The following PCDH15 variants were observed in gnomAD, a reference collection of about 807,000 sequenced individuals.
The protein encoded by PCDH15 is protocadherin related 15, also known as protocadherin-15.
PCDH15 carries 129 observed loss-of-function variants against 178.5 expected under a neutral mutation model. That is an observed-to-expected ratio of 0.72 (90% CI 0.63 to 0.84). The LOEUF is 0.84. Ranked by LOEUF, PCDH15 falls within the 40% of genes least tolerant of loss-of-function variation. The pLI is 0.00. For missense variants in PCDH15, 2,230 were observed against 2,099.9 expected (o/e 1.06, Z -1.21); for synonymous variants, 800 against 732.0 (o/e 1.09, Z -1.50).
intron 21 of PCDH15, among the ~76,000 whole-genome samples, chr10:53,983,068 A>C (rs1351881456): frequency 6.6e-6 from 1 of 151,996 alleles, no homozygotes; most frequent in East Asian, 1.9e-4. Context: ...GAACACAAAT[A>C]TTTTACCCCG....
At chr10:54,595,785 G>A (rs2092202466) in intron 2 of PCDH15, among the ~76,000 whole-genome samples, 1 of 151,996 alleles carries the variant, frequency 6.6e-6, no homozygotes, top group Middle Eastern at 3.2e-3. Flanking sequence ...ATAAATGACA[G>A]GATAGAGCTG....
intron 2 of PCDH15, among the ~76,000 whole-genome samples, chr10:54,950,660 G>C (rs1191625510): frequency 6.6e-6 from 1 of 151,862 alleles, no homozygotes; most frequent in Non-Finnish European, 1.5e-5. Context: ...GAACACAGGA[G>C]GAACTACCCT....
intron 1 of PCDH15, among the ~76,000 whole-genome samples, chr10:54,754,117 C>T (rs7923085): frequency 0.048 from 7,341 of 151,962 alleles, 601 homozygotes; most frequent in African/African-American, 0.17. Flanking sequence ...CGTGAGCCAC[C>T]GCGCCCGGCT....
At chr10:55,122,072 G>A (rs1314127428) in intron 2 of PCDH15, among the ~76,000 whole-genome samples, 1 of 152,150 alleles carries the variant, frequency 6.6e-6, no homozygotes, top group Non-Finnish European at 1.5e-5. Flanking sequence ...AAAATTAAGG[G>A]AAAGGATAAT....
chr10:55,454,008 CAGAGA>C (rs1839492820), intron 2 of PCDH15, among the ~76,000 whole-genome samples: 1 of 151,574 alleles, frequency 6.6e-6, no homozygotes, highest in Non-Finnish European at 1.5e-5. Flanking sequence ...TATAAAACAC[CAGAGA>C]AGAGAAATTT....
At chr10:54,974,040 TTCTCTC>T (rs72538027) in intron 2 of PCDH15, among the ~76,000 whole-genome samples, 9 of 144,268 alleles carry the variant, frequency 6.2e-5, no homozygotes, top group Non-Finnish European at 1.4e-4. Context: ...CTCTCCTTCC[TTCTCTC>T]TCTCTCTCTC....
chr10:54,988,487 A>G (rs1356437903), intron 2 of PCDH15, among the ~76,000 whole-genome samples: 1 of 152,354 alleles, frequency 6.6e-6, no homozygotes, highest in East Asian at 1.9e-4. Context: ...TGATAGTGAT[A>G]TGGACAATAA....
rs114379801 is a variant in PCDH15 at position 55,452,729 on chromosome 10, G to C, written c.-156+174896C>G. Among the ~76,000 whole-genome samples, 572 of 151,962 alleles carry C rather than the reference G, an allele frequency of 3.8e-3. 8 individuals are homozygous for C. Among genetic ancestry groups the C allele is most frequent in the African/African-American group, 0.013 (545 of 41,440 alleles). Reference sequence around the variant, plus strand: ...ACCCCCCAGAAACAAATTTCCACTGGCAACATTTCAACAGTATTAATCATA... The same window carrying C: ...ACCCCCCAGAAACAAATTTCCACTGCCAACATTTCAACAGTATTAATCATA... On this transcript the variant is annotated intron_variant, in intron 2 of 5. Transcript: ENST00000613346.
chr10:55,279,788 T>C (rs1388928120), intron 1 of PCDH15, among the ~76,000 whole-genome samples: 1 of 152,182 alleles, frequency 6.6e-6, no homozygotes, highest in African/African-American at 2.4e-5. Context: ...ACTGAGCCCA[T>C]GAGTGATCAT....
chr10:55,272,423 G>A (rs570379244), intron 1 of PCDH15, among the ~76,000 whole-genome samples: 1 of 146,220 alleles, frequency 6.8e-6, no homozygotes, highest in South Asian at 2.2e-4. Flanking sequence ...ATTTTATTTT[G>A]AGATGGTGTC....
At chr10:53,962,654 G>T (rs1390967976) in intron 21 of PCDH15, among the ~76,000 whole-genome samples, 1 of 152,150 alleles carries the variant, frequency 6.6e-6, no homozygotes, top group South Asian at 2.1e-4. Context: ...GGAACTTGTG[G>T]CTTACAATAA....
At chr10:54,238,319 A>T (rs910316283) in intron 8 of PCDH15, among the ~76,000 whole-genome samples, 1 of 152,148 alleles carries the variant, frequency 6.6e-6, no homozygotes, top group African/African-American at 2.4e-5. Context: ...GCATGCTAAA[A>T]AAAGAGCAAT....
At chr10:54,264,547 T>C (rs1564819872) in intron 8 of PCDH15, among the ~76,000 whole-genome samples, 1 of 152,090 alleles carries the variant, frequency 6.6e-6, no homozygotes, top group South Asian at 2.1e-4. Flanking sequence ...AAAGACAACA[T>C]AGCTATATTA....
intron 3 of PCDH15, among the ~76,000 whole-genome samples, chr10:54,508,467 G>A (rs1183070547): frequency 6.6e-6 from 1 of 151,948 alleles, no homozygotes; most frequent in Non-Finnish European, 1.5e-5. Flanking sequence ...AGCCTAAGAT[G>A]GATTTCATCT....
At chr10:54,920,468 C>CAA (rs71014429) in intron 2 of PCDH15, among the ~76,000 whole-genome samples, 905 of 57,722 alleles carry the variant, frequency 0.016, 140 homozygotes, top group East Asian at 0.047. Flanking sequence ...GACTGTGTCT[C>CAA]AAAAAAAAAA....
At chr10:55,581,944 G>A (rs1240456140) in intron 2 of PCDH15, among the ~76,000 whole-genome samples, 1 of 152,096 alleles carries the variant, frequency 6.6e-6, no homozygotes, top group African/African-American at 2.4e-5. Flanking sequence ...CGACTCCTGG[G>A]TTCAAACAAT....
intron 2 of PCDH15, among the ~76,000 whole-genome samples, chr10:55,363,378 G>A (rs1444789687): frequency 6.6e-6 from 1 of 152,052 alleles, no homozygotes; most frequent in Admixed American, 6.6e-5. Flanking sequence ...ACTATCAATA[G>A]TCACATATAG....
chr10:55,385,707 A>G (rs931510733), intron 2 of PCDH15, among the ~76,000 whole-genome samples: 2 of 146,482 alleles, frequency 1.4e-5, no homozygotes, highest in Non-Finnish European at 3.0e-5. Flanking sequence ...ATATATATAT[A>G]TATATATATA....
intron 1 of PCDH15, among the ~76,000 whole-genome samples, chr10:55,183,279 C>A (rs575437481): frequency 6.6e-6 from 1 of 151,908 alleles, no homozygotes; most frequent in East Asian, 1.9e-4. Flanking sequence ...AGTAATATCA[C>A]CATCATTAAG....
Sources: gnomAD v4.1 joint callset for allele counts (sites outside exome capture counted in the v4.1 genomes callset) on GRCh38, gnomAD v4.1.1 for gene constraint, MANE v1.5 for transcripts, NCBI Gene and HGNC (gene_info 2026-07-23, HGNC 2026-07-21) for gene names.